The following CDH10 variants were observed in gnomAD, a reference collection of about 807,000 sequenced individuals.
CDH10 encodes the protein cadherin-10.
In CDH10, 30 loss-of-function variants were observed where a neutral mutation model predicts 73.1. The ratio of observed to expected loss-of-function variants is 0.41; its 90% CI spans 0.31 to 0.56. CDH10 has a LOEUF of 0.56. Ranked by LOEUF, CDH10 falls within the 20% of genes least tolerant of loss-of-function variation. The pLI, the probability that CDH10 is intolerant of heterozygous loss-of-function variation, is 0.27. For synonymous variants in CDH10, 345 were observed against 348.2 expected (o/e 0.99, Z 0.10); for missense variants, 815 against 973.7 (o/e 0.84, Z 2.17).
At chr5:24,497,280 C>T (rs1742325935) in intron 9 of CDH10, among the ~76,000 whole-genome samples, 3 of 151,848 alleles carry the variant, frequency 2.0e-5, no homozygotes. Flanking sequence ...ATGTATGCAG[C>T]AGTAGCAAAG....
At chr5:24,530,723 G>A (rs1322712766) in intron 5 of CDH10, among the ~76,000 whole-genome samples, 1 of 152,002 alleles carries the variant, frequency 6.6e-6, no homozygotes, top group Non-Finnish European at 1.5e-5. Context: ...AGAGCCCAAA[G>A]AGTAGAAAAT....
At chr5:24,581,395 G>T (rs2112055757) in intron 2 of CDH10, among the ~76,000 whole-genome samples, 1 of 152,252 alleles carries the variant, frequency 6.6e-6, no homozygotes, top group South Asian at 2.1e-4. Context: ...TGATCACCAT[G>T]ACCTGTTCTG....
chr5:24,503,800 T>TC (rs1742585670), intron 8 of CDH10, among the ~76,000 whole-genome samples: 1 of 152,054 alleles, frequency 6.6e-6, no homozygotes, highest in African/African-American at 2.4e-5. Flanking sequence ...GAAAATAAAT[T>TC]CTTTTTTTTA....
rs578230094 is a variant in CDH10 at position 24,498,825 on chromosome 5, CACTT to C, written c.1394-310_1394-307del. Among the ~76,000 whole-genome samples, 417 of 152,158 alleles carry C rather than the reference CACTT, an allele frequency of 2.7e-3. 6 individuals are homozygous for C. The highest frequency in any genetic ancestry group is 1.0e-3 in the South Asian group (5 of 4,824). On this transcript the variant is annotated intron_variant, in intron 8 of 11. Coordinates refer to ENST00000264463, the MANE Select transcript of CDH10 (RefSeq NM_006727.5). ...ATTGTCCAAATATATAAAATAAGAA[CACTT>C]ACTTATTAAATCCTTGTTATACTTC...
intron 7 of CDH10, among the ~76,000 whole-genome samples, chr5:24,505,783 T>C (rs915382195): frequency 1.8e-4 from 28 of 152,196 alleles, no homozygotes; most frequent in African/African-American, 5.3e-4. Context: ...GTATCATTAT[T>C]ACACATATTG....
chr5:24,501,555 A>G (rs896109796), intron 8 of CDH10, among the ~76,000 whole-genome samples: 2 of 152,246 alleles, frequency 1.3e-5, no homozygotes, highest in African/African-American at 2.4e-5. Context: ...AGAAGGTATC[A>G]GCAATAAAGG....
At position 24,530,016 on chromosome 5, in the gene CDH10, C is replaced by CTTTTT. The variant is rs34282847; in HGVS notation, c.814+5091_814+5095dup. On this transcript the variant is annotated intron_variant, in intron 5 of 11. Transcript: ENST00000264463. ...CTGTGAATAAAAGGCTCTATTTTTA[C>CTTTTT]TTTTTTTTTTTTTTTTTTTTGAACT... Among the ~76,000 whole-genome samples the CTTTTT allele has an allele frequency of 3.9e-4, 48 of 121,826 alleles. 1 individual carries two copies. The highest frequency in any genetic ancestry group is 1.3e-3 in the African/African-American group (41 of 32,772). 79.9% of individuals were successfully genotyped at this position (121,826 alleles called of 152,430 possible).
chr5:24,504,242 T>C (rs1408802799), intron 8 of CDH10, among the ~76,000 whole-genome samples: 1 of 152,080 alleles, frequency 6.6e-6, no homozygotes, highest in Non-Finnish European at 1.5e-5. Flanking sequence ...GAAGATGTCC[T>C]CTCTATACCA....
At chr5:24,518,967 T>C (rs1421998286) in intron 5 of CDH10, among the ~76,000 whole-genome samples, 2 of 143,504 alleles carry the variant, frequency 1.4e-5, no homozygotes, top group Admixed American at 1.5e-4. Flanking sequence ...CTTGGCTCAC[T>C]GCAACCTCCA....
Position 24,487,501 on chromosome 5 carries a change from T to A in CDH10, c.*162A>T. On this transcript the variant is annotated 3_prime_UTR_variant, in exon 12 of 12. Coordinates refer to ENST00000264463, the MANE Select transcript of CDH10 (RefSeq NM_006727.5). Reference sequence around the variant, plus strand: ...GTCATATATATTCCATGAGACATCCTACAGGAAAGAATTAATGTAATTAAT... The same window carrying A: ...GTCATATATATTCCATGAGACATCCAACAGGAAAGAATTAATGTAATTAAT... 1.5e-6 allele frequency: 1 copy of A among 656,046 alleles called. No homozygotes were observed. The highest frequency in any genetic ancestry group is 4.2e-4 in the Middle Eastern group (1 of 2,402). The allele number at this position is 656,046 out of a possible 1,614,324, so 40.6% of individuals were successfully genotyped here. A position where few individuals can be genotyped will look rare whatever the true frequency, so the allele number is the denominator to read the frequency against.
chr5:24,548,480 C>CTTT lies in CDH10; in HGVS notation c.232-10809_232-10807dup, dbSNP rs70965609. Among the ~76,000 whole-genome samples, 804 of 108,650 alleles carry CTTT rather than the reference C, an allele frequency of 7.4e-3. 18 individuals carry two copies. The highest frequency in any genetic ancestry group is 0.02 in the African/African-American group (595 of 29,416). The allele number at this position is 108,650 out of a possible 152,430, so 71.3% of individuals were successfully genotyped here. On this transcript the variant is annotated intron_variant, in intron 2 of 11. Coordinates refer to ENST00000264463, the MANE Select transcript of CDH10 (RefSeq NM_006727.5). ...TTGAGATAGAATTCCCAGTCCTCCT[C>CTTT]TTTTTTTTTTTTTTTTTTTTGGAAA...
At chr5:24,614,130 A>G (rs558918048) in intron 1 of CDH10, among the ~76,000 whole-genome samples, 12 of 152,300 alleles carry the variant, frequency 7.9e-5, no homozygotes, top group Admixed American at 3.3e-4. Flanking sequence ...CAGTGTCATT[A>G]CATATCTATA....
chr5:24,591,458 C>A (rs1746197874), intron 2 of CDH10, among the ~76,000 whole-genome samples: 1 of 151,944 alleles, frequency 6.6e-6, no homozygotes, highest in South Asian at 2.1e-4. Context: ...ATTCCTTACA[C>A]CAACACTCAT....
chr5:24,507,872 A>G (rs932723609), intron 7 of CDH10, among the ~76,000 whole-genome samples: 6 of 152,200 alleles, frequency 3.9e-5, no homozygotes, highest in African/African-American at 1.4e-4. Flanking sequence ...TCTTCTGCCA[A>G]TATGTAACCT....
chr5:24,525,714 A>T (rs1743504636), intron 5 of CDH10, among the ~76,000 whole-genome samples: 1 of 152,022 alleles, frequency 6.6e-6, no homozygotes, highest in Non-Finnish European at 1.5e-5. Context: ...AGAGAAACCC[A>T]AATTTGTGAG....
In CDH10 at chr5:24,508,370, A is replaced by C. The variant is rs565877394; in HGVS notation, c.1256+1196T>G. On this transcript the variant is annotated intron_variant, in intron 7 of 11. Transcript: ENST00000264463. Reference sequence around the variant, plus strand: ...AGCTGTCATAAGAAGGAAAACAAGAATTGAAAAGACTCATCTTTCTAGAAT... The same window carrying C: ...AGCTGTCATAAGAAGGAAAACAAGACTTGAAAAGACTCATCTTTCTAGAAT... Among the ~76,000 whole-genome samples the C allele has an allele frequency of 2.8e-4, 42 of 152,330 alleles. 1 individual carries two copies. In the South Asian group the frequency reaches 5.6e-3, roughly 20 times the overall value.
intron 1 of CDH10, among the ~76,000 whole-genome samples, chr5:24,642,955 A>G (rs1579499302): frequency 2.7e-5 from 4 of 145,694 alleles, no homozygotes; most frequent in Middle Eastern, 7.2e-3. Flanking sequence ...GCAGACATTG[A>G]CTCACACTTT....
intron 2 of CDH10, among the ~76,000 whole-genome samples, chr5:24,544,138 A>G (rs1283000856): frequency 6.6e-6 from 1 of 152,136 alleles, no homozygotes; most frequent in African/African-American, 2.4e-5. Flanking sequence ...TACTAAAAAT[A>G]CAAAAATTAG....
At chr5:24,504,970 C>T (rs1742651546) in intron 8 of CDH10, 142 bp downstream of exon 8, 1 of 629,456 alleles carries the variant, frequency 1.6e-6, no homozygotes, top group East Asian at 2.9e-5. Flanking sequence ...AGTGTAAGTG[C>T]TGAGAAAATT....
Sources: gnomAD v4.1 joint callset for allele counts (sites outside exome capture counted in the v4.1 genomes callset) on GRCh38, gnomAD v4.1.1 for gene constraint, MANE v1.5 for transcripts, NCBI Gene and HGNC (gene_info 2026-07-23, HGNC 2026-07-21) for gene names.